ADCK1: variants seen among roughly 807,000 people sequenced by gnomAD.
The protein encoded by ADCK1 is aarF domain-containing protein kinase 1.
Under a neutral mutation model 52.3 loss-of-function variants are expected in ADCK1, and 41 were observed. The ratio of observed to expected loss-of-function variants is 0.78; its 90% CI spans 0.61 to 1.02. The LOEUF is 1.02. ADCK1 is among the 50% of genes least tolerant of loss of function. The pLI is 0.00. For missense variants in ADCK1, 658 were observed against 679.5 expected (o/e 0.97, Z 0.35); for synonymous variants, 250 against 274.6 (o/e 0.91, Z 0.89).
intron 7 of ADCK1, chr14:77,924,116 G>C (rs2084126251): frequency 9.2e-6 from 2 of 216,810 alleles, no homozygotes; most frequent in Non-Finnish European, 1.8e-5. Flanking sequence ...CTGATAAAAG[G>C]GTATGGAGGA....
At chr14:77,810,054 AAAAAT>A (rs2081307879) in intron 1 of ADCK1, among the ~76,000 whole-genome samples, 1 of 149,724 alleles carries the variant, frequency 6.7e-6, no homozygotes, top group African/African-American at 2.5e-5. Context: ...AAAAAAAAAA[AAAAAT>A]TACAAGAGAG....
chr14:77,897,011 G>A (rs184670647), intron 5 of ADCK1, among the ~76,000 whole-genome samples: 3 of 152,242 alleles, frequency 2.0e-5, no homozygotes, highest in Non-Finnish European at 2.9e-5. Flanking sequence ...TGCCAACACA[G>A]CATTGGGCAA....
chr14:77,875,621 C>G (rs549386803), intron 4 of ADCK1, among the ~76,000 whole-genome samples: 1 of 152,150 alleles, frequency 6.6e-6, no homozygotes, highest in Non-Finnish European at 1.5e-5. Context: ...ACGTCAGCCA[C>G]GAAGTCCTCA....
intron 9 of ADCK1, among the ~76,000 whole-genome samples, chr14:77,928,988 A>G (rs893299822): frequency 9.2e-5 from 14 of 152,170 alleles, no homozygotes; most frequent in African/African-American, 1.4e-4. Context: ...CCCGTCTTGT[A>G]TATCTTTTTA....
At chr14:77,823,189 G>A (rs1167703753) in intron 3 of ADCK1, among the ~76,000 whole-genome samples, 1 of 152,106 alleles carries the variant, frequency 6.6e-6, no homozygotes, top group Non-Finnish European at 1.5e-5. Flanking sequence ...GGCATTTTTT[G>A]TGGATGTAGG....
chr14:77,899,106 GT>G lies in ADCK1; in HGVS notation c.591del (p.Leu198TrpfsTer3). The G allele has an allele frequency of 6.2e-7, 1 of 1,613,686 alleles. No homozygotes were observed. ...SKDILLMEVL[V>X]LAVKQLFPEF... ...GGTGCTTGTTGGATTTCAGGTGCTC[GT>G]TCTGGCTGTGAAGCAGCTGTTCCCA... On this transcript the variant is annotated frameshift_variant, in exon 6 of 11. Coordinates refer to ENST00000238561, the MANE Select transcript of ADCK1 (RefSeq NM_020421.4). LOFTEE classifies it high-confidence loss of function.
At chr14:77,805,197 ACT>A (rs536269346) in intron 1 of ADCK1, among the ~76,000 whole-genome samples, 239 of 114,904 alleles carry the variant, frequency 2.1e-3, no homozygotes, top group Non-Finnish European at 3.3e-3. Context: ...CAAGAGTGAG[ACT>A]CTGTCTCATT....
chr14:77,852,881 GTGTATATATA>G (rs1369621367), intron 3 of ADCK1, among the ~76,000 whole-genome samples: 8 of 29,604 alleles, frequency 2.7e-4, no homozygotes, highest in African/African-American at 6.4e-4. Context: ...TCTTTTATGT[GTGTATATATA>G]TATATATATA....
At chr14:77,887,068 T>C (rs753707142) in intron 4 of ADCK1, 23 bp from the exon 5 acceptor site, 1 of 1,537,330 alleles carries the variant, frequency 6.5e-7, no homozygotes, top group East Asian at 2.3e-5. Flanking sequence ...TTTTCATTGC[T>C]CTGTTCTCTC....
At chr14:77,905,764 T>C (rs748852634) in intron 6 of ADCK1, among the ~76,000 whole-genome samples, 22 of 152,108 alleles carry the variant, frequency 1.4e-4, no homozygotes, top group Non-Finnish European at 2.9e-4. Flanking sequence ...CAGTGCGCTA[T>C]GATGATGCCA....
chr14:77,917,426 A>AC (rs200896888), intron 7 of ADCK1, among the ~76,000 whole-genome samples: 2,007 of 152,080 alleles, frequency 0.013, 52 homozygotes, highest in African/African-American at 0.046. Context: ...CTTTTAAGAC[A>AC]CCCCCCAGGA....
chr14:77,840,610 G>A (rs1207960226), intron 3 of ADCK1, among the ~76,000 whole-genome samples: 1 of 152,140 alleles, frequency 6.6e-6, no homozygotes, highest in Non-Finnish European at 1.5e-5. Context: ...CACTTTGGGA[G>A]GCTGAGGGGA....
chr14:77,815,606 G>A (rs111544070), intron 1 of ADCK1, among the ~76,000 whole-genome samples: 59 of 145,966 alleles, frequency 4.0e-4, no homozygotes, highest in Middle Eastern at 3.7e-3. Flanking sequence ...TGCAACCTCC[G>A]CCTCCTGGGT....
Position 77,827,977 on chromosome 14 carries a change from T to C in ADCK1, c.219+5459T>C, listed in dbSNP as rs113688789. 2,387 of 306,318 alleles carry C rather than the reference T, an allele frequency of 7.8e-3. 56 individuals carry two copies. The highest frequency in any genetic ancestry group is 0.051 in the African/African-American group (2,195 of 43,148). 19.0% of individuals were successfully genotyped at this position (306,318 alleles called of 1,614,324 possible). A position where few individuals can be genotyped will look rare whatever the true frequency, so the allele number is the denominator to read the frequency against. On this transcript the variant is annotated intron_variant, in intron 3 of 10. Coordinates refer to ENST00000238561, the MANE Select transcript of ADCK1 (RefSeq NM_020421.4). ...CCAAGTAGCTGGGACTACAGGTGAG[T>C]GCCACCATGCCCGGATAATTTTTTG...
intron 5 of ADCK1, 146 bp downstream of exon 5, chr14:77,887,395 G>A: frequency 1.0e-6 from 1 of 958,850 alleles, no homozygotes; most frequent in Non-Finnish European, 1.4e-6. Flanking sequence ...TTACGACAGA[G>A]GAGGTGTTAT....
Position 77,882,563 on chromosome 14 carries a change from C to T in ADCK1, c.424-4528C>T, listed in dbSNP as rs556956825. On this transcript the variant is annotated intron_variant, in intron 4 of 10. Transcript: ENST00000238561. ...GTGGGCTATCTTGGAAGAATTCAGC[C>T]GTCCCCCATCCTGTGATTGAGGAGC... Among the ~76,000 whole-genome samples the T allele has an allele frequency of 1.5e-3, 229 of 152,354 alleles. 1 individual carries two copies. The highest frequency in any genetic ancestry group is 5.2e-3 in the African/African-American group (217 of 41,578).
chr14:77,821,916 T>C (rs2081592300), intron 2 of ADCK1, among the ~76,000 whole-genome samples: 1 of 144,836 alleles, frequency 6.9e-6, no homozygotes, highest in African/African-American at 2.6e-5. Context: ...AAAAGACTTA[T>C]GCTATTAGAG....
intron 8 of ADCK1, among the ~76,000 whole-genome samples, chr14:77,925,062 T>G (rs1325216085): frequency 6.6e-6 from 1 of 152,154 alleles, no homozygotes; most frequent in African/African-American, 2.4e-5. Context: ...GCAGATCTGG[T>G]TCAAAGGAGC....
intron 6 of ADCK1, among the ~76,000 whole-genome samples, chr14:77,903,490 A>G (rs1407046596): frequency 1.3e-5 from 2 of 152,228 alleles, no homozygotes; most frequent in Non-Finnish European, 2.9e-5. Flanking sequence ...ATATGGCGTC[A>G]GGGGGACTGG....
Sources: gnomAD v4.1 joint callset for allele counts (sites outside exome capture counted in the v4.1 genomes callset) on GRCh38, gnomAD v4.1.1 for gene constraint, MANE v1.5 for transcripts, NCBI Gene and HGNC (gene_info 2026-07-23, HGNC 2026-07-21) for gene names.